The following CNTN5 variants were observed in gnomAD, a reference collection of about 807,000 sequenced individuals.
CNTN5 encodes the protein contactin 5.
CNTN5 carries 77 observed loss-of-function variants against 129.1 expected under a neutral mutation model. The ratio of observed to expected loss-of-function variants is 0.60; its 90% CI spans 0.50 to 0.72. The LOEUF (loss-of-function observed/expected upper bound fraction) is 0.72, where lower values mean the gene tolerates loss of function less well. Among genes scored for constraint, CNTN5 ranks in the 30% least tolerant of loss-of-function variants. The probability of loss-of-function intolerance (pLI) is 0.00; values close to 1 mark genes in which losing one functional copy is unlikely to be tolerated. For missense variants in CNTN5, 1,478 were observed against 1,328.8 expected, an observed-to-expected ratio of 1.11 and a Z score of -1.75; for synonymous variants, 509 against 465.6, an observed-to-expected ratio of 1.09 and a Z score of -1.20.
At chr11:100,217,756 C>T (rs1949172625) in intron 15 of CNTN5, among the ~76,000 whole-genome samples, 1 of 152,116 alleles carries the variant, frequency 6.6e-6, no homozygotes, top group Non-Finnish European at 1.5e-5. Flanking sequence ...ATTGAGCCAA[C>T]CTATGGACCA....
At chr11:100,038,643 TG>T (rs1474781503) in intron 9 of CNTN5, among the ~76,000 whole-genome samples, 19 of 152,128 alleles carry the variant, frequency 1.2e-4, no homozygotes, top group African/African-American at 4.3e-4. Context: ...TTTATGAATC[TG>T]GGTGCTCCTG....
chr11:99,064,569 G>A (rs1865025137), intron 1 of CNTN5, among the ~76,000 whole-genome samples: 1 of 152,092 alleles, frequency 6.6e-6, no homozygotes, highest in Admixed American at 6.6e-5. Flanking sequence ...AATGACTGAT[G>A]ACTGTGAATG....
At chr11:99,254,250 G>A (rs1474763076) in intron 1 of CNTN5, among the ~76,000 whole-genome samples, 1 of 151,636 alleles carries the variant, frequency 6.6e-6, no homozygotes, top group Non-Finnish European at 1.5e-5. Context: ...AGTATTCTAG[G>A]GAAGAAGAAA....
chr11:100,055,188 T>C (rs1332180339), intron 9 of CNTN5, among the ~76,000 whole-genome samples: 1 of 151,644 alleles, frequency 6.6e-6, no homozygotes, highest in African/African-American at 2.4e-5. Context: ...TTGTCATTAA[T>C]TTCAGTATTT....
intron 15 of CNTN5, among the ~76,000 whole-genome samples, chr11:100,200,445 T>G (rs572931528): frequency 6.6e-6 from 1 of 152,110 alleles, no homozygotes; most frequent in Non-Finnish European, 1.5e-5. Context: ...AGAGCATTTT[T>G]ATTAATTTGG....
At chr11:99,229,368 A>T (rs1461682) in intron 1 of CNTN5, among the ~76,000 whole-genome samples, 1 of 151,828 alleles carries the variant, frequency 6.6e-6, no homozygotes, top group African/African-American at 2.4e-5. Context: ...TAAGCTATAC[A>T]GGTGTTTTGT....
chr11:99,491,241 G>A (rs1277215123), intron 2 of CNTN5, among the ~76,000 whole-genome samples: 1 of 152,158 alleles, frequency 6.6e-6, no homozygotes, highest in African/African-American at 2.4e-5. Context: ...AGGCCAGGCA[G>A]GGTAGTGCTA....
chr11:99,699,938 C>T (rs1465838348), intron 3 of CNTN5, among the ~76,000 whole-genome samples: 1 of 151,352 alleles, frequency 6.6e-6, no homozygotes, highest in Admixed American at 6.6e-5. Context: ...GAGCACTTTG[C>T]AAACCCTAAC....
At chr11:99,980,890 CA>C (rs1201233860) in intron 8 of CNTN5, among the ~76,000 whole-genome samples, 1 of 151,496 alleles carries the variant, frequency 6.6e-6, no homozygotes, top group African/African-American at 2.4e-5. Context: ...TTCATTTTAT[CA>C]ATGTCAAAGA....
intron 7 of CNTN5, among the ~76,000 whole-genome samples, chr11:99,919,693 T>C (rs1234164984): frequency 6.6e-6 from 1 of 152,094 alleles, no homozygotes; most frequent in African/African-American, 2.4e-5. Flanking sequence ...CACCACAACT[T>C]GAAAGATACT....
intron 8 of CNTN5, among the ~76,000 whole-genome samples, chr11:99,999,299 C>A (rs1437558132): frequency 1.3e-5 from 2 of 152,108 alleles, no homozygotes; most frequent in African/African-American, 4.8e-5. Flanking sequence ...TGAACTCCAA[C>A]AAATTTACAA....
At chr11:100,307,293 C>G (rs1951374205) in intron 20 of CNTN5, among the ~76,000 whole-genome samples, 1 of 151,406 alleles carries the variant, frequency 6.6e-6, no homozygotes, top group South Asian at 2.1e-4. Flanking sequence ...GGGTTAGTAC[C>G]AAAATCTGTA....
At chr11:99,275,641 G>A (rs1037489001) in intron 1 of CNTN5, among the ~76,000 whole-genome samples, 6 of 151,752 alleles carry the variant, frequency 4.0e-5, no homozygotes, top group Middle Eastern at 3.4e-3. Flanking sequence ...ATATTTGCTC[G>A]TCTTGGCAGA....
At chr11:99,504,438 G>A (rs1292047510) in intron 2 of CNTN5, among the ~76,000 whole-genome samples, 1 of 151,272 alleles carries the variant, frequency 6.6e-6, no homozygotes, top group Non-Finnish European at 1.5e-5. Flanking sequence ...CTACTTGGGA[G>A]GCTGAGGTAG....
intron 8 of CNTN5, among the ~76,000 whole-genome samples, chr11:99,982,146 T>A (rs1299028753): frequency 6.6e-6 from 1 of 152,210 alleles, no homozygotes; most frequent in East Asian, 1.9e-4. Context: ...AGTGAATGAC[T>A]AATGAACTTC....
intron 3 of CNTN5, among the ~76,000 whole-genome samples, chr11:99,646,480 A>G (rs1224008011): frequency 2.6e-5 from 4 of 152,166 alleles, no homozygotes; most frequent in African/African-American, 9.7e-5. Context: ...ACCAAAAGGT[A>G]AGATGGAAAA....
intron 3 of CNTN5, among the ~76,000 whole-genome samples, chr11:99,693,114 G>A (rs1954109118): frequency 6.6e-6 from 1 of 152,142 alleles, no homozygotes; most frequent in South Asian, 2.1e-4. Flanking sequence ...TCTGCAATAA[G>A]ATGTAAATAT....
At chr11:100,289,437 A>G (rs1390771347) in intron 18 of CNTN5, among the ~76,000 whole-genome samples, 1 of 150,870 alleles carries the variant, frequency 6.6e-6, no homozygotes, top group Non-Finnish European at 1.5e-5. Context: ...CACCCCTGGG[A>G]TGCAAGGCTG....
intron 3 of CNTN5, among the ~76,000 whole-genome samples, chr11:99,568,168 G>T (rs1297110989): frequency 6.6e-6 from 1 of 152,100 alleles, no homozygotes; most frequent in Non-Finnish European, 1.5e-5. Flanking sequence ...TACATCAAAA[G>T]TGTTTTGGAA....
Sources: allele counts gnomAD v4.1 joint callset (sites outside exome capture counted in the v4.1 genomes callset), GRCh38; gene constraint gnomAD v4.1.1; transcripts MANE v1.5; gene names NCBI Gene and HGNC (gene_info 2026-07-23, HGNC 2026-07-21).